Variants in CCDC66 observed in about 807,000 individuals in gnomAD.
CCDC66 encodes the protein coiled-coil domain-containing protein 66.
Under a neutral mutation model 128.3 loss-of-function variants are expected in CCDC66, and 133 were observed. The observed-to-expected ratio is 1.04, with a 90% confidence interval of 0.90 to 1.20. The LOEUF (loss-of-function observed/expected upper bound fraction) is 1.20. Ranked by LOEUF, CCDC66 falls within the 50% of genes most tolerant of loss-of-function variation. The pLI is 0.00. For synonymous variants in CCDC66, 387 were observed against 357.0 expected (o/e 1.08, Z -0.95); for missense variants, 1,126 against 1,075.5 (o/e 1.05, Z -0.66).
intron 7 of CCDC66, among the ~76,000 whole-genome samples, chr3:56,589,371 G>A (rs1220382435): frequency 6.6e-6 from 1 of 152,146 alleles, no homozygotes; most frequent in East Asian, 1.9e-4. Flanking sequence ...AAAGGTAGAA[G>A]TGAAAACCTT....
At position 56,567,033 on chromosome 3, in the gene CCDC66, C is replaced by G; in HGVS notation, c.794C>G (p.Ala265Gly). Residue 265 changes from alanine (A) to glycine (G), a missense_variant, in exon 6 of 18, where the codon GCC (alanine) becomes GGC (glycine). By Grantham distance (60) the Ala-to-Gly change is moderately conservative. Coordinates refer to ENST00000394672, the MANE Select transcript of CCDC66 (RefSeq NM_001141947.3). The stretch of plus-strand genomic sequence containing the variant: ...AGAAGTTCGTTGGAAGCAAAAAAAG[C>G]CCAGTGGAGGAAAGAGCTAGGTAGG... ...CDRSSLEAKK[A>G]QWRKELDEQV... 1 of 1,613,348 alleles carries G rather than the reference C, an allele frequency of 6.2e-7. No homozygotes were observed. The highest frequency in any genetic ancestry group is 8.5e-7 in the Non-Finnish European group (1 of 1,179,340).
chr3:56,559,488 A>G (rs1357701798), intron 2 of CCDC66, 81 bp from the exon 3 acceptor site: 5 of 885,474 alleles, frequency 5.6e-6, no homozygotes, highest in East Asian at 5.8e-5. Flanking sequence ...ATCTTATAAC[A>G]ATATTAATTA....
Position 56,597,776 on chromosome 3 carries a change from G to GTTTTTTTTTTTTTTTTTTTTTTTTTTTTT in CCDC66, c.1404+3748_1404+3749insTTTTTTTTTTTTTTTTTTTTTTTTTTTTT, listed in dbSNP as rs753875788. ...TTGTGGAGTCTAGGTTTTGTTTTGG[G>GTTTTTTTTTTTTTTTTTTTTTTTTTTTTT]GTTTTTTTTTTTTTTTGAGACAGAG... On this transcript the variant is annotated intron_variant, in intron 10 of 17. Transcript: ENST00000394672. 7.8e-4 allele frequency among the ~76,000 whole-genome samples: 48 copies of GTTTTTTTTTTTTTTTTTTTTTTTTTTTTT among 61,858 alleles called. 11 individuals are homozygous for GTTTTTTTTTTTTTTTTTTTTTTTTTTTTT. Among genetic ancestry groups the GTTTTTTTTTTTTTTTTTTTTTTTTTTTTT allele is most frequent in the African/African-American group, 2.1e-3 (29 of 13,828 alleles). The allele number at this position is 61,858 out of a possible 152,430, so 40.6% of individuals were successfully genotyped here.
intron 7 of CCDC66, among the ~76,000 whole-genome samples, chr3:56,581,451 C>T (rs2068354672): frequency 6.6e-6 from 1 of 151,850 alleles, no homozygotes. Context: ...TGTTCCATTG[C>T]TAGTGAGGAG....
chr3:56,563,705 G>C lies in CCDC66; in HGVS notation c.124G>C (p.Ala42Pro). Residue 42 changes from alanine to proline, a missense_variant, in exon 4 of 18, where the codon GCA becomes CCA. Physicochemically the swap from Ala to Pro is conservative, Grantham distance 27. Transcript: ENST00000394672. ...SVKMGNKAKI[A>P]KCPLRTKTGH... ...ACAGATGGGAAATAAGGCCAAGATT[G>C]CAAAATGTCCTTTAAGAACAAAAAC... The C allele has an allele frequency of 6.5e-7, 1 of 1,549,696 alleles. No homozygotes were observed. Among genetic ancestry groups the C allele is most frequent in the Non-Finnish European group, 8.7e-7 (1 of 1,146,152 alleles).
rs146067429 is a variant in CCDC66, at chr3:56,566,981, A to G, written c.742A>G (p.Ser248Gly). ...TGAATGGAAACCAGCTGATATATTC[A>G]GTACTCTGGGGGAAAGGGAATGTGA... ...ENEWKPADIF[S>G]TLGERECDRS... is the part of the protein sequence containing the mutation. The change falls in exon 6 of 18, where the codon AGT (serine) becomes GGT (glycine). Residue 248 changes from serine to glycine, a missense_variant. Ser to Gly is a moderately conservative substitution (Grantham distance 56). Coordinates refer to ENST00000394672, the MANE Select transcript of CCDC66 (RefSeq NM_001141947.3). 1.1e-5 allele frequency: 17 copies of G among 1,614,150 alleles called. No individual in the cohort carries two copies. The African/African-American group carries it at 1.7e-4, about 16-fold the overall frequency.
intron 6 of CCDC66, among the ~76,000 whole-genome samples, chr3:56,568,843 T>A (rs2066241502): frequency 6.6e-6 from 1 of 152,228 alleles, no homozygotes; most frequent in Non-Finnish European, 1.5e-5. Context: ...AGTCTTGAAA[T>A]TTCGTTAGTG....
At chr3:56,564,564 G>T (rs1259845819) in intron 4 of CCDC66, among the ~76,000 whole-genome samples, 2 of 152,084 alleles carry the variant, frequency 1.3e-5, no homozygotes, top group Admixed American at 6.6e-5. Context: ...TACTCTTCCT[G>T]TTCCTCATTC....
chr3:56,605,174 C>CT (rs2073893181), intron 10 of CCDC66, among the ~76,000 whole-genome samples: 1 of 151,922 alleles, frequency 6.6e-6, no homozygotes, highest in South Asian at 2.1e-4. Flanking sequence ...TTTGTCTAAC[C>CT]TTTTTTCAAG....
At chr3:56,618,279 A>C in intron 15 of CCDC66, 67 bp downstream of exon 15, 1 of 1,346,924 alleles carries the variant, frequency 7.4e-7, no homozygotes, top group Admixed American at 1.7e-5. Context: ...AAAGGGATTC[A>C]AGATCTGGAC....
At chr3:56,590,300 C>T (rs2070645859) in intron 7 of CCDC66, among the ~76,000 whole-genome samples, 2 of 152,176 alleles carry the variant, frequency 1.3e-5, no homozygotes, top group South Asian at 2.1e-4. Context: ...TTGAAAAGCC[C>T]TTTATTTTCA....
At chr3:56,583,544 G>C (rs371751124) in intron 7 of CCDC66, among the ~76,000 whole-genome samples, 2 of 151,818 alleles carry the variant, frequency 1.3e-5, no homozygotes, top group Non-Finnish European at 2.9e-5. Flanking sequence ...AACAAAGCAC[G>C]TCTTGCACCG....
At chr3:56,559,480 C>T (rs1209583980) in intron 2 of CCDC66, 89 bp from the exon 3 acceptor site, 2 of 853,398 alleles carry the variant, frequency 2.3e-6, no homozygotes, top group Non-Finnish European at 3.6e-6. Context: ...AGCTTAAAAT[C>T]TTATAACAAT....
Position 56,593,081 on chromosome 3 carries a change from GA to G in CCDC66, c.1054del (p.Ile352LeufsTer19), listed in dbSNP as rs1411911409. ...IEDDRQRKIE[E>X]KIIYSKGEEH... ...AGATGACCGTCAAAGAAAAATAGAG[GA>G]AAAAATTATATATTCAAAGGTAACT... On this transcript the variant is annotated frameshift_variant, in exon 8 of 18. Coordinates refer to ENST00000394672, the MANE Select transcript of CCDC66 (RefSeq NM_001141947.3). LOFTEE classifies it high-confidence loss of function. 6 of 1,595,782 alleles carry G rather than the reference GA, an allele frequency of 3.8e-6. No individual in the cohort carries two copies. In the South Asian group the frequency reaches 5.6e-5, roughly 15 times the overall value.
At chr3:56,576,058 C>CAA (rs879615815) in intron 7 of CCDC66, among the ~76,000 whole-genome samples, 7 of 144,730 alleles carry the variant, frequency 4.8e-5, no homozygotes, top group African/African-American at 1.8e-4. Context: ...TCTATTTCTG[C>CAA]AAAAAAAAAA....
At chr3:56,613,338 A>G (rs9846575) in intron 10 of CCDC66, among the ~76,000 whole-genome samples, 2,028 of 152,308 alleles carry the variant, frequency 0.013, 39 homozygotes, top group African/African-American at 0.045. Flanking sequence ...CCAATTAGGC[A>G]GCCTCTGTAG....
chr3:56,613,900 C>G lies in CCDC66; in HGVS notation c.1566+150C>G, dbSNP rs562129032. ...GCACAAGTTGTCCTTCCACCTTGGT[C>G]TCCTCAGTAGCAGGGACTACAGGCA... On this transcript the variant is annotated intron_variant, in intron 11 of 17. Coordinates refer to ENST00000394672, the MANE Select transcript of CCDC66 (RefSeq NM_001141947.3). 98 of 630,970 alleles carry G rather than the reference C, an allele frequency of 1.6e-4. No individual in the cohort carries two copies. In the African/African-American group the frequency reaches 1.8e-3, roughly 11 times the overall value. The allele number at this position is 630,970 out of a possible 1,614,324, so 39.1% of individuals were successfully genotyped here.
At chr3:56,617,702 C>A in intron 14 of CCDC66, 97 bp downstream of exon 14, 1 of 1,442,170 alleles carries the variant, frequency 6.9e-7, no homozygotes, top group Non-Finnish European at 9.3e-7. Flanking sequence ...TGATCTGTTT[C>A]AGTTTACATT....
intron 10 of CCDC66, among the ~76,000 whole-genome samples, chr3:56,605,153 C>G (rs1373232302): frequency 3.9e-5 from 6 of 152,040 alleles, no homozygotes; most frequent in Non-Finnish European, 5.9e-5. Context: ...AACGGTTATT[C>G]TAGTTAGCAA....
Sources: allele counts gnomAD v4.1 joint callset (sites outside exome capture counted in the v4.1 genomes callset), GRCh38; gene constraint gnomAD v4.1.1; transcripts MANE v1.5; gene names NCBI Gene and HGNC (gene_info 2026-07-23, HGNC 2026-07-21).